The following DCC variants were observed in gnomAD, a reference collection of about 807,000 sequenced individuals.
The protein encoded by DCC is DCC netrin 1 receptor.
A neutral mutation model predicts 172.5 loss-of-function variants in DCC; 58 were observed. That is an observed-to-expected ratio of 0.34 (90% CI 0.27 to 0.42). DCC has a LOEUF of 0.42. Among genes scored for constraint, DCC ranks in the 10% least tolerant of loss-of-function variants. The pLI, the probability that DCC is intolerant of heterozygous loss-of-function variation, is 1.00. For missense variants in DCC, 1,740 were observed against 1,791.0 expected (o/e 0.97, Z 0.51); for synonymous variants, 709 against 644.5 (o/e 1.10, Z -1.52).
At chr18:52,437,689 A>C (rs1452981955) in intron 1 of DCC, among the ~76,000 whole-genome samples, 1 of 152,198 alleles carries the variant, frequency 6.6e-6, no homozygotes, top group Non-Finnish European at 1.5e-5. Context: ...ATTTTTGTTG[A>C]CATATCACAG....
At chr18:52,690,324 A>C (rs192226653) in intron 1 of DCC, among the ~76,000 whole-genome samples, 15 of 152,260 alleles carry the variant, frequency 9.9e-5, no homozygotes, top group South Asian at 2.1e-4. Context: ...GTACAAACAC[A>C]TACTGTAAGA....
chr18:52,629,949 CAAAAAAAAAAA>C (rs540334133), intron 1 of DCC, among the ~76,000 whole-genome samples: 3 of 40,910 alleles, frequency 7.3e-5, no homozygotes, highest in East Asian at 1.8e-3. Context: ...GACTCCGTCT[CAAAAAAAAAAA>C]AAAAAAAAAA....
intron 13 of DCC, 90 bp downstream of exon 13, chr18:53,305,809 T>C (rs2057193585): frequency 1.0e-5 from 14 of 1,403,720 alleles, no homozygotes; most frequent in Non-Finnish European, 1.4e-5. Context: ...GGAACATTGA[T>C]TTTCTTCCTG....
intron 2 of DCC, among the ~76,000 whole-genome samples, chr18:52,856,865 T>C (rs2039064887): frequency 6.6e-6 from 1 of 152,166 alleles, no homozygotes; most frequent in African/African-American, 2.4e-5. Context: ...GTTCCCTCCT[T>C]GGCCCACAAA....
At chr18:53,366,205 C>T (rs899828114) in intron 15 of DCC, among the ~76,000 whole-genome samples, 1 of 151,924 alleles carries the variant, frequency 6.6e-6, no homozygotes, top group Non-Finnish European at 1.5e-5. Context: ...TGGAGGCACT[C>T]GCCACCATGA....
At chr18:52,457,358 G>C (rs1988490422) in intron 1 of DCC, among the ~76,000 whole-genome samples, 1 of 152,122 alleles carries the variant, frequency 6.6e-6, no homozygotes, top group Admixed American at 6.5e-5. Context: ...ATTTGAGGTA[G>C]GAGTGCACAG....
chr18:52,971,138 A>C (rs1013641330), intron 5 of DCC, among the ~76,000 whole-genome samples: 3 of 152,178 alleles, frequency 2.0e-5, no homozygotes, highest in Non-Finnish European at 1.5e-5. Flanking sequence ...GGGCAGAAAA[A>C]AAACACAGCT....
intron 1 of DCC, among the ~76,000 whole-genome samples, chr18:52,650,774 C>A (rs750843176): frequency 3.9e-5 from 6 of 152,130 alleles, no homozygotes; most frequent in Non-Finnish European, 2.9e-5. Flanking sequence ...ACATTCCTAG[C>A]AGAGACAAAC....
At chr18:53,528,304 G>A (rs2046482233) in intron 28 of DCC, among the ~76,000 whole-genome samples, 1 of 151,994 alleles carries the variant, frequency 6.6e-6, no homozygotes, top group Admixed American at 6.6e-5. Flanking sequence ...AAATGTTTTG[G>A]CAGATGAGTG....
chr18:52,607,010 A>G (rs146448255), intron 1 of DCC, among the ~76,000 whole-genome samples: 140 of 152,268 alleles, frequency 9.2e-4, no homozygotes, highest in African/African-American at 3.2e-3. Context: ...ACGCATGTTG[A>G]AATGCTAAAG....
chr18:52,704,632 CTTG>C (rs1267573457), intron 1 of DCC, among the ~76,000 whole-genome samples: 1 of 152,190 alleles, frequency 6.6e-6, no homozygotes, highest in Non-Finnish European at 1.5e-5. Context: ...GATGTGCCCT[CTTG>C]TTATACAAAC....
At chr18:53,047,945 T>C (rs1205073286) in intron 5 of DCC, among the ~76,000 whole-genome samples, 1 of 151,162 alleles carries the variant, frequency 6.6e-6, no homozygotes, top group East Asian at 2.0e-4. Context: ...AGTTTATGTA[T>C]TTAAAATTGT....
chr18:53,274,104 C>T (rs962655062), intron 12 of DCC, among the ~76,000 whole-genome samples: 1 of 152,110 alleles, frequency 6.6e-6, no homozygotes, highest in Non-Finnish European at 1.5e-5. Context: ...GGAAACTATG[C>T]TACCTTTTCT....
chr18:53,425,047 T>A (rs1274633636), intron 21 of DCC, among the ~76,000 whole-genome samples: 1 of 151,904 alleles, frequency 6.6e-6, no homozygotes, highest in Admixed American at 6.6e-5. Flanking sequence ...AAAAGGATGA[T>A]GGGATGGGAG....
At chr18:53,483,431 T>A (rs1322904692) in intron 25 of DCC, among the ~76,000 whole-genome samples, 2 of 152,042 alleles carry the variant, frequency 1.3e-5, no homozygotes, top group South Asian at 4.1e-4. Flanking sequence ...ATTTTTCTGA[T>A]GTAACATGCT....
At chr18:52,756,631 G>T (rs184563320) in intron 2 of DCC, among the ~76,000 whole-genome samples, 1 of 152,298 alleles carries the variant, frequency 6.6e-6, no homozygotes, top group Admixed American at 6.5e-5. Context: ...AAAGGAAAAA[G>T]CATGAGCATT....
At chr18:53,311,990 T>G (rs1016817737) in intron 13 of DCC, among the ~76,000 whole-genome samples, 2 of 151,958 alleles carry the variant, frequency 1.3e-5, no homozygotes, top group Non-Finnish European at 2.9e-5. Context: ...GAAAAAGATG[T>G]CTATTGGACA....
intron 2 of DCC, among the ~76,000 whole-genome samples, chr18:52,850,687 C>A (rs925614156): frequency 4.6e-5 from 7 of 151,970 alleles, no homozygotes; most frequent in African/African-American, 1.7e-4. Context: ...TACACATTCA[C>A]CCCCCAGTAA....
At chr18:53,109,520 C>T (rs1358716610) in intron 7 of DCC, among the ~76,000 whole-genome samples, 1 of 151,196 alleles carries the variant, frequency 6.6e-6, no homozygotes, top group African/African-American at 2.4e-5. Context: ...GTGTGTGTGT[C>T]TGTCCGTCTC....
Sources: gnomAD v4.1 joint callset for allele counts (sites outside exome capture counted in the v4.1 genomes callset) on GRCh38, gnomAD v4.1.1 for gene constraint, MANE v1.5 for transcripts, NCBI Gene and HGNC (gene_info 2026-07-23, HGNC 2026-07-21) for gene names.